Variants in AGBL4 observed in about 807,000 individuals in gnomAD.
AGBL4 encodes the protein AGBL carboxypeptidase 4.
In AGBL4, 58 loss-of-function variants were observed where a neutral mutation model predicts 66.4. The ratio of observed to expected loss-of-function variants is 0.87; its 90% CI spans 0.71 to 1.09. The LOEUF is 1.09. AGBL4 is among the 50% of genes least tolerant of loss of function. The pLI is 0.00. For missense variants in AGBL4, 579 were observed against 631.0 expected (o/e 0.92, Z 0.88); for synonymous variants, 234 against 222.9 (o/e 1.05, Z -0.44).
intron 4 of AGBL4, among the ~76,000 whole-genome samples, chr1:49,241,172 A>T (rs80296469): frequency 6.6e-6 from 1 of 152,062 alleles, no homozygotes; most frequent in African/African-American, 2.4e-5. Flanking sequence ...AATATTCCCC[A>T]TTCAGCAGCA....
intron 5 of AGBL4, among the ~76,000 whole-genome samples, chr1:48,915,586 G>A (rs574103719): frequency 2.0e-5 from 3 of 152,264 alleles, no homozygotes; most frequent in Non-Finnish European, 2.9e-5. Context: ...ACTAAAAAAC[G>A]TGGTTCTCAT....
chr1:48,982,423 C>T (rs940787004), intron 5 of AGBL4, among the ~76,000 whole-genome samples: 2 of 152,040 alleles, frequency 1.3e-5, no homozygotes, highest in African/African-American at 4.8e-5. Flanking sequence ...TCAATTCCCA[C>T]CTATGAGTGA....
chr1:49,423,941 G>A lies in AGBL4; in HGVS notation c.283-178077C>T, dbSNP rs555701258. On this transcript the variant is annotated intron_variant, in intron 3 of 13. Coordinates refer to ENST00000371839, the MANE Select transcript of AGBL4 (RefSeq NM_032785.4). ...TAGGCAAAATCCCTAATGTCAATGA[G>A]AAATGACCTTCAACTCTCTTAAATA... 1.8e-4 allele frequency among the ~76,000 whole-genome samples: 27 copies of A among 151,972 alleles called. No individual in the cohort carries two copies. The South Asian group carries it at 5.6e-3, about 32-fold the overall frequency.
At chr1:49,972,358 T>C (rs1557630560) in intron 1 of AGBL4, among the ~76,000 whole-genome samples, 1 of 152,168 alleles carries the variant, frequency 6.6e-6, no homozygotes, top group Non-Finnish European at 1.5e-5. Context: ...ATGCCTATTA[T>C]TCCACTCTGT....
At chr1:49,274,834 A>C (rs963974247) in intron 3 of AGBL4, among the ~76,000 whole-genome samples, 8 of 152,104 alleles carry the variant, frequency 5.3e-5, no homozygotes, top group African/African-American at 1.9e-4. Context: ...CTGATAAAGG[A>C]CTCAAATGAT....
intron 1 of AGBL4, among the ~76,000 whole-genome samples, chr1:49,878,721 C>G (rs1161545960): frequency 4.0e-5 from 6 of 150,648 alleles, no homozygotes; most frequent in Non-Finnish European, 7.4e-5. Context: ...TCGTTGTTGA[C>G]TTTCTGTCTC....
intron 1 of AGBL4, among the ~76,000 whole-genome samples, chr1:50,011,901 T>C (rs905170153): frequency 6.6e-6 from 1 of 152,158 alleles, no homozygotes; most frequent in African/African-American, 2.4e-5. Context: ...GGCTCACGCC[T>C]GTAATCCCAG....
chr1:49,329,436 C>G (rs143958140), intron 3 of AGBL4, among the ~76,000 whole-genome samples: 2 of 151,966 alleles, frequency 1.3e-5, no homozygotes, highest in Non-Finnish European at 2.9e-5. Flanking sequence ...GAGGCTGAGG[C>G]GGGTGGATTG....
At chr1:49,846,256 T>C in intron 2 of AGBL4, 3 of 1,469,206 alleles carry the variant, frequency 2.0e-6, no homozygotes, top group Non-Finnish European at 2.9e-6. Context: ...GTCACGATTG[T>C]GGAAAGTCCT....
intron 9 of AGBL4, among the ~76,000 whole-genome samples, chr1:48,608,755 T>C (rs1645191510): frequency 6.6e-6 from 1 of 152,172 alleles, no homozygotes; most frequent in Non-Finnish European, 1.5e-5. Flanking sequence ...TTCTGATTTA[T>C]TATAAACTCC....
chr1:49,908,826 T>C (rs899649137), intron 1 of AGBL4, among the ~76,000 whole-genome samples: 1 of 152,192 alleles, frequency 6.6e-6, no homozygotes, highest in African/African-American at 2.4e-5. Flanking sequence ...GACTACTAAC[T>C]GATATTACAA....
At chr1:48,564,159 T>C (rs1032859354) in intron 11 of AGBL4, among the ~76,000 whole-genome samples, 1 of 152,108 alleles carries the variant, frequency 6.6e-6, no homozygotes, top group Non-Finnish European at 1.5e-5. Context: ...TCAGGCCTCA[T>C]GGTCACTTCT....
chr1:49,077,119 T>C (rs1198559368), intron 4 of AGBL4, among the ~76,000 whole-genome samples: 2 of 152,056 alleles, frequency 1.3e-5, no homozygotes, highest in Non-Finnish European at 2.9e-5. Flanking sequence ...TGTGTCTCCC[T>C]CTCATAGATG....
chr1:49,113,821 A>G (rs2148026836), intron 4 of AGBL4, among the ~76,000 whole-genome samples: 1 of 152,304 alleles, frequency 6.6e-6, no homozygotes, highest in African/African-American at 2.4e-5. Context: ...GTGAGCTGTA[A>G]TATTTTTGAA....
At chr1:49,052,859 G>A (rs540788027) in intron 4 of AGBL4, among the ~76,000 whole-genome samples, 19 of 152,142 alleles carry the variant, frequency 1.2e-4, no homozygotes, top group Non-Finnish European at 2.2e-4. Context: ...ATAGGGCTAC[G>A]TGCAATTCTA....
chr1:49,185,341 A>G (rs2148194544), intron 4 of AGBL4, among the ~76,000 whole-genome samples: 1 of 152,166 alleles, frequency 6.6e-6, no homozygotes, highest in East Asian at 1.9e-4. Context: ...AAGCATCACA[A>G]CTCTTGTGTA....
intron 3 of AGBL4, among the ~76,000 whole-genome samples, chr1:49,665,726 T>C (rs899936451): frequency 5.3e-5 from 8 of 152,074 alleles, no homozygotes; most frequent in African/African-American, 1.9e-4. Context: ...AGGGACATTC[T>C]CCATACATGA....
chr1:49,994,988 C>T (rs1285724269), intron 1 of AGBL4: 1 of 384,344 alleles, frequency 2.6e-6, no homozygotes, highest in East Asian at 7.2e-5. Context: ...CCCGTGGGCA[C>T]TCTTGGTCCC....
chr1:49,206,734 G>A (rs1648163783), intron 4 of AGBL4, among the ~76,000 whole-genome samples: 1 of 152,080 alleles, frequency 6.6e-6, no homozygotes, highest in South Asian at 2.1e-4. Flanking sequence ...GCATAGAGAT[G>A]AGTCTGGAGG....
Sources: allele counts gnomAD v4.1 joint callset (sites outside exome capture counted in the v4.1 genomes callset), GRCh38; gene constraint gnomAD v4.1.1; transcripts MANE v1.5; gene names NCBI Gene and HGNC (gene_info 2026-07-23, HGNC 2026-07-21).